The following OSBPL8 variants were observed in gnomAD, a reference collection of about 807,000 sequenced individuals.
The protein encoded by OSBPL8 is oxysterol binding protein like 8.
Under a neutral mutation model 125.5 loss-of-function variants are expected in OSBPL8, and 59 were observed. The ratio of observed to expected loss-of-function variants is 0.47; its 90% CI spans 0.38 to 0.58. The LOEUF (loss-of-function observed/expected upper bound fraction) is 0.58. Among genes scored for constraint, OSBPL8 ranks in the 20% least tolerant of loss-of-function variants. The pLI is 0.00. For missense variants in OSBPL8, 758 were observed against 1,047.8 expected (o/e 0.72, Z 3.82); for synonymous variants, 330 against 338.9 (o/e 0.97, Z 0.29).
chr12:76,449,962 C>A (rs180842364), intron 4 of OSBPL8, among the ~76,000 whole-genome samples: 5 of 150,768 alleles, frequency 3.3e-5, no homozygotes, highest in Admixed American at 6.6e-5. Context: ...TATGTATAAA[C>A]CCCCCCCATA....
intron 1 of OSBPL8, among the ~76,000 whole-genome samples, chr12:76,500,794 A>G (rs1465163327): frequency 6.6e-6 from 1 of 152,176 alleles, no homozygotes; most frequent in Non-Finnish European, 1.5e-5. Context: ...GATGTTAGAA[A>G]CAAGCCTCTG....
At chr12:76,529,844 C>T (rs549617134) in intron 1 of OSBPL8, among the ~76,000 whole-genome samples, 1 of 152,332 alleles carries the variant, frequency 6.6e-6, no homozygotes, top group African/African-American at 2.4e-5. Context: ...CTCGAAGACA[C>T]ATTACTAGTT....
intron 10 of OSBPL8, 23 bp downstream of exon 10, chr12:76,392,558 A>C: frequency 6.3e-7 from 1 of 1,586,190 alleles, no homozygotes; most frequent in South Asian, 1.1e-5. Context: ...AACATTACCA[A>C]CTCAGCGGCA....
At chr12:76,403,196 G>A (rs1198529931) in intron 5 of OSBPL8, among the ~76,000 whole-genome samples, 1 of 152,094 alleles carries the variant, frequency 6.6e-6, no homozygotes, top group Non-Finnish European at 1.5e-5. Flanking sequence ...CCTTCAATAG[G>A]AAGAAATACA....
chr12:76,525,187 A>C (rs1194980541), intron 1 of OSBPL8, among the ~76,000 whole-genome samples: 1 of 152,190 alleles, frequency 6.6e-6, no homozygotes, highest in Non-Finnish European at 1.5e-5. Flanking sequence ...AATTTTTAAA[A>C]ATTTCTCAGA....
chr12:76,385,669 A>C (rs1367050357), intron 14 of OSBPL8, among the ~76,000 whole-genome samples: 1 of 152,080 alleles, frequency 6.6e-6, no homozygotes, highest in East Asian at 1.9e-4. Context: ...GCTAAGAAGA[A>C]ATACTGGAGT....
chr12:76,388,648 G>A (rs781271983), intron 12 of OSBPL8, among the ~76,000 whole-genome samples: 2 of 152,094 alleles, frequency 1.3e-5, no homozygotes, highest in African/African-American at 2.4e-5. Context: ...TATTTTGCAT[G>A]AGGTTTTTAC....
intron 1 of OSBPL8, among the ~76,000 whole-genome samples, chr12:76,546,807 G>T (rs933303535): frequency 6.6e-6 from 1 of 152,054 alleles, no homozygotes; most frequent in Admixed American, 6.5e-5. Context: ...TATAGAGAAA[G>T]GTAACAAGAT....
chr12:76,468,615 T>C (rs778079836), intron 2 of OSBPL8, among the ~76,000 whole-genome samples: 11 of 152,204 alleles, frequency 7.2e-5, no homozygotes, highest in Non-Finnish European at 1.5e-4. Flanking sequence ...CCTTGAGAGC[T>C]CAAATTGCCA....
chr12:76,358,806 G>A lies in OSBPL8; in HGVS notation c.2334C>T (p.Ser778=), dbSNP rs773301119. The A allele has an allele frequency of 1.1e-5, 17 of 1,612,964 alleles. No homozygotes were observed. Among genetic ancestry groups the A allele is most frequent in the Admixed American group, 1.7e-5 (1 of 59,996 alleles). ...TKVKHRTPMV[S]VPKMKHKPTR... is the part of the protein sequence containing the mutation. ...TTGGCTTATGTTTCATTTTGGGGAC[G>A]CTAACCTAAAGAAAAAAATAACTAT... is the stretch of plus-strand genomic sequence containing the variant. Residue 778 remains serine, a synonymous_variant, in exon 22 of 24, where the codon AGC becomes AGT. Transcript: ENST00000261183.
intron 7 of OSBPL8, among the ~76,000 whole-genome samples, chr12:76,398,255 T>C (rs753401787): frequency 1.8e-4 from 27 of 152,200 alleles, no homozygotes; most frequent in Admixed American, 1.3e-3. Flanking sequence ...TGTGTGCATA[T>C]GATGATTCTG....
chr12:76,387,524 T>C (rs1953366552), intron 12 of OSBPL8, among the ~76,000 whole-genome samples: 1 of 152,210 alleles, frequency 6.6e-6, no homozygotes, highest in Non-Finnish European at 1.5e-5. Flanking sequence ...TCTGCTTTTG[T>C]TGCAATCGTT....
At chr12:76,461,783 TC>T (rs1874772370) in intron 2 of OSBPL8, among the ~76,000 whole-genome samples, 1 of 152,132 alleles carries the variant, frequency 6.6e-6, no homozygotes, top group South Asian at 2.1e-4. Flanking sequence ...ATCCCCACTA[TC>T]CTGACTGCAA....
chr12:76,448,786 G>A (rs1373527336), intron 4 of OSBPL8, among the ~76,000 whole-genome samples: 2 of 152,168 alleles, frequency 1.3e-5, no homozygotes, highest in Admixed American at 1.3e-4. Context: ...AGGCCAAGGT[G>A]GGCGGATCAC....
intron 2 of OSBPL8, among the ~76,000 whole-genome samples, chr12:76,463,030 T>A (rs1174478981): frequency 1.3e-5 from 2 of 152,176 alleles, no homozygotes; most frequent in Non-Finnish European, 2.9e-5. Flanking sequence ...GGGGAACCAC[T>A]GGATGGTTTT....
At chr12:76,450,770 T>C (rs1873292627) in intron 4 of OSBPL8, 81 bp downstream of exon 4, 2 of 1,346,650 alleles carry the variant, frequency 1.5e-6, no homozygotes, top group East Asian at 5.2e-5. Context: ...AATATGATAG[T>C]CCCCAAATGT....
intron 4 of OSBPL8, among the ~76,000 whole-genome samples, chr12:76,418,858 A>G (rs1217064009): frequency 6.6e-6 from 1 of 151,920 alleles, no homozygotes; most frequent in Non-Finnish European, 1.5e-5. Context: ...AAAAAAGCAG[A>G]TATTCAGAAT....
chr12:76,556,954 G>A (rs1032373080), intron 1 of OSBPL8, among the ~76,000 whole-genome samples: 15 of 152,196 alleles, frequency 9.9e-5, no homozygotes, highest in African/African-American at 3.1e-4. Context: ...GTGAGCCACC[G>A]GGCCTGGCCT....
chr12:76,437,140 A>T (rs1162804038), intron 4 of OSBPL8, among the ~76,000 whole-genome samples: 1 of 152,208 alleles, frequency 6.6e-6, no homozygotes, highest in Non-Finnish European at 1.5e-5. Context: ...CTGCTGGTAC[A>T]TGCGTGAGAG....
Sources: allele counts gnomAD v4.1 joint callset (sites outside exome capture counted in the v4.1 genomes callset), GRCh38; gene constraint gnomAD v4.1.1; transcripts MANE v1.5; gene names NCBI Gene and HGNC (gene_info 2026-07-23, HGNC 2026-07-21).